PNPLA2: variants seen among roughly 807,000 people sequenced by gnomAD.
The protein encoded by PNPLA2 is patatin-like phospholipase domain-containing protein 2.
In PNPLA2, 28 loss-of-function variants were observed where a neutral mutation model predicts 39.7. The observed-to-expected ratio is 0.70, with a 90% CI of 0.52 to 0.97. The LOEUF is 0.97. Among genes scored for constraint, PNPLA2 ranks in the 50% least tolerant of loss-of-function variants. The probability of loss-of-function intolerance (pLI) is 0.00; values close to 1 mark genes in which losing one functional copy is unlikely to be tolerated. For synonymous variants in PNPLA2, 392 were observed against 321.1 expected (o/e 1.22, Z -2.36); for missense variants, 768 against 698.2 (o/e 1.10, Z -1.13).
intron 6 of PNPLA2, 40 bp from the exon 7 acceptor site, chr11:823,654 G>A (rs776979629): frequency 5.0e-6 from 8 of 1,601,268 alleles, no homozygotes; most frequent in East Asian, 2.3e-5. Flanking sequence ...GGCCGCGGCC[G>A]CGCTGATGAA....
In PNPLA2 at chr11:823,724, C is replaced by T. The variant is rs1325907895; in HGVS notation, c.788C>T (p.Ala263Val). The change falls in exon 7 of 10, where the codon GCG becomes GTG. Residue 263 changes from alanine to valine, a missense_variant. Physicochemically the swap from Ala to Val is moderately conservative, Grantham distance 64. Transcript: ENST00000336615. The stretch of plus-strand genomic sequence containing the variant: ...CTGAACCGGCCCAACCCCTTGCTGG[C>T]GTTGCCCCCCGCCCGCCCCCACGGC... ...GLLNRPNPLL[A>V]LPPARPHGPE... 2 of 1,607,118 alleles carry T rather than the reference C, an allele frequency of 1.2e-6. No homozygotes were observed. The highest frequency in any genetic ancestry group is 8.5e-7 in the Non-Finnish European group (1 of 1,177,340).
chr11:823,498 T>A, intron 5 of PNPLA2, 29 bp from the exon 6 acceptor site: 1 of 1,590,016 alleles, frequency 6.3e-7, no homozygotes, highest in Non-Finnish European at 8.6e-7. Context: ...CCTGGCTCCC[T>A]CCGCTCCATT....
In PNPLA2 at chr11:823,727, TGCCCCCCGCCC is replaced by T; in HGVS notation, c.798_808del (p.Ala267ArgfsTer36). 6.2e-7 allele frequency: 1 copy of T among 1,607,210 alleles called. No individual in the cohort carries two copies. The highest frequency in any genetic ancestry group is 8.5e-7 in the Non-Finnish European group (1 of 1,177,230). ...AACCGGCCCAACCCCTTGCTGGCGT[TGCCCCCCGCCC>T]GCCCCCACGGCCCAGAGGACAAGGA... On this transcript the variant is annotated frameshift_variant, in exon 7 of 10. Transcript: ENST00000336615. LOFTEE classifies it high-confidence loss of function.
At position 824,320 on chromosome 11, in the gene PNPLA2, G is replaced by A. The variant is rs952977483; in HGVS notation, c.1059G>A (p.Leu353=). Residue 353 remains leucine, a synonymous_variant, in exon 9 of 10, where the codon CTG becomes CTA. Coordinates refer to ENST00000336615, the MANE Select transcript of PNPLA2 (RefSeq NM_020376.4). ...CCGCTCGCCCTGTCCCCAGCTTGCT[G>A]GAGTGGCTGCCCGACGTTCCCGAGG... ...ESALSFTIRL[L]EWLPDVPEDI... The A allele has an allele frequency of 1.3e-6, 2 of 1,551,366 alleles. No homozygotes were observed. The highest frequency in any genetic ancestry group is 1.7e-6 in the Non-Finnish European group (2 of 1,147,736).
chr11:820,155 G>A (rs1360793882), intron 2 of PNPLA2, among the ~76,000 whole-genome samples: 1 of 152,248 alleles, frequency 6.6e-6, no homozygotes, highest in Non-Finnish European at 1.5e-5. Context: ...GCGGGCAGGT[G>A]CAGCAAAAGC....
In PNPLA2 at chr11:824,943, A is replaced by C; in HGVS notation, c.*81A>C. 2 of 1,214,982 alleles carry C rather than the reference A, an allele frequency of 1.6e-6. No homozygotes were observed. Among genetic ancestry groups the C allele is most frequent in the Non-Finnish European group, 2.3e-6 (2 of 854,734 alleles). The allele number at this position is 1,214,982 out of a possible 1,614,324, so 75.3% of individuals were successfully genotyped here. ...TGAGATGAGGGGACTCACAGTTGCC[A>C]AGAGGGGTCTTTGCCGTGGGCCCCC... On this transcript the variant is annotated 3_prime_UTR_variant, in exon 10 of 10. Coordinates refer to ENST00000336615, the MANE Select transcript of PNPLA2 (RefSeq NM_020376.4).
At chr11:822,828 T>C (rs1178898339) in intron 5 of PNPLA2, among the ~76,000 whole-genome samples, 1 of 150,980 alleles carries the variant, frequency 6.6e-6, no homozygotes, top group Non-Finnish European at 1.5e-5. Flanking sequence ...CTCTTTTTTT[T>C]TTTTTTTTTT....
At chr11:823,917 G>A (rs1435107894) in intron 7 of PNPLA2, 62 bp downstream of exon 7, 1 of 1,548,564 alleles carries the variant, frequency 6.5e-7, no homozygotes, top group Non-Finnish European at 8.7e-7. Flanking sequence ...GAGAGGAGAG[G>A]ACGGTGAGCA....
chr11:819,349 A>T, intron 1 of PNPLA2: 1 of 940,182 alleles, frequency 1.1e-6, no homozygotes, highest in Non-Finnish European at 1.3e-6. Flanking sequence ...CTACACCCCT[A>T]GGCGTGTGCC....
chr11:823,006 G>T (rs1260285816), intron 5 of PNPLA2, among the ~76,000 whole-genome samples: 1 of 151,014 alleles, frequency 6.6e-6, no homozygotes, highest in Admixed American at 6.6e-5. Flanking sequence ...TGTATTTTTA[G>T]TAAAGAAATA....
At position 824,406 on chromosome 11, in the gene PNPLA2, A is replaced by G. The variant is rs576535942; in HGVS notation, c.1145A>G (p.Lys382Arg). ...TGCCAGTACCTGGTGATGCGCGCCAAGAGGAAGCTGGGCAGGCACCTGCCC... is the reference window on the plus strand; with the variant it reads ...TGCCAGTACCTGGTGATGCGCGCCAGGAGGAAGCTGGGCAGGCACCTGCCC... Reference protein sequence around the residue: ...SICQYLVMRAKRKLGRHLPSR... With the variant: ...SICQYLVMRARRKLGRHLPSR... The change falls in exon 9 of 10, where the codon AAG becomes AGG. Residue 382 changes from lysine to arginine, a missense_variant. Transcript: ENST00000336615. 1.4e-5 allele frequency: 22 copies of G among 1,554,860 alleles called. No homozygotes were observed. In the South Asian group the frequency reaches 2.4e-4, roughly 17 times the overall value.
intron 2 of PNPLA2, chr11:821,241 G>A (rs1248946875): frequency 6.1e-6 from 2 of 328,916 alleles, no homozygotes; most frequent in Non-Finnish European, 1.2e-5. Context: ...TGTGAACTGT[G>A]ACCTGTGTGC....
Position 823,859 on chromosome 11 carries a change from C to CGCACCTGG in PNPLA2, c.919+6_919+13dup. 1 of 1,580,898 alleles carries CGCACCTGG rather than the reference C, an allele frequency of 6.3e-7. No homozygotes were observed. The highest frequency in any genetic ancestry group is 8.6e-7 in the Non-Finnish European group (1 of 1,164,838). On this transcript the variant is annotated splice_donor_region_variant and intron_variant, in intron 7 of 9. Coordinates refer to ENST00000336615, the MANE Select transcript of PNPLA2 (RefSeq NM_020376.4). ...CTGCCCGCCCGGCTCAATGAGGGTG[C>CGCACCTGG]GCACCTGGGGGACGGGAGGGGAGGA...
chr11:819,192 G>T (rs1845583916), intron 1 of PNPLA2, among the ~76,000 whole-genome samples: 1 of 152,252 alleles, frequency 6.6e-6, no homozygotes, highest in Non-Finnish European at 1.5e-5. Context: ...TCTGTCCAGG[G>T]ACCAGCTCCT....
Position 823,956 on chromosome 11 carries a change from C to T in PNPLA2, c.920-42C>T, listed in dbSNP as rs779060112. On this transcript the variant is annotated intron_variant, in intron 7 of 9. Transcript: ENST00000336615. The stretch of plus-strand genomic sequence containing the variant: ...GAGGGAAGCCGAGCGGGTCCTGGGC[C>T]CCGCTGCCTCCACTGGCCGCCGACC... 7.1e-6 allele frequency: 11 copies of T among 1,559,706 alleles called. No individual in the cohort carries two copies. In the East Asian group the frequency reaches 2.4e-4, roughly 34 times the overall value.
rs528775861 is a variant in PNPLA2 at position 822,280 on chromosome 11, G to A, written c.487-117G>A. ...ACAGCCAGTGCCCAGTGGGTAAAACGCTCAAATGAGGTAGCCACTGAATGG... is the reference window on the plus strand; with the variant it reads ...ACAGCCAGTGCCCAGTGGGTAAAACACTCAAATGAGGTAGCCACTGAATGG... On this transcript the variant is annotated intron_variant, in intron 4 of 9. Coordinates refer to ENST00000336615, the MANE Select transcript of PNPLA2 (RefSeq NM_020376.4). 9.4e-5 allele frequency: 91 copies of A among 971,250 alleles called. No homozygotes were observed. In the South Asian group the frequency reaches 1.0e-3, roughly 11 times the overall value. The allele number at this position is 971,250 out of a possible 1,614,324, so 60.2% of individuals were successfully genotyped here.
chr11:819,863 G>A lies in PNPLA2; in HGVS notation c.145G>A (p.Gly49Arg). Residue 49 changes from glycine to arginine, a missense_variant, in exon 2 of 10, where the codon GGG becomes AGG. Coordinates refer to ENST00000336615, the MANE Select transcript of PNPLA2 (RefSeq NM_020376.4). ...CACGCACATCTACGGCGCCTCGGCC[G>A]GGGCGCTCACGGCCACGGCGCTGGT... ...NATHIYGASA[G>R]ALTATALVTG... 1 of 1,461,296 alleles carries A rather than the reference G, an allele frequency of 6.8e-7. No individual in the cohort carries two copies. Among genetic ancestry groups the A allele is most frequent in the South Asian group, 1.3e-5 (1 of 76,774 alleles). 90.5% of individuals were successfully genotyped at this position (1,461,296 alleles called of 1,614,324 possible).
intron 7 of PNPLA2, 46 bp from the exon 8 acceptor site, chr11:823,952 G>A (rs935633964): frequency 3.2e-6 from 5 of 1,555,912 alleles, no homozygotes; most frequent in African/African-American, 1.4e-5. Flanking sequence ...AGCGGGTCCT[G>A]GGCCCCGCTG....
rs145699347 is a variant in PNPLA2, at chr11:822,526, C to T, written c.616C>T (p.Arg206Trp). 1.7e-5 allele frequency: 28 copies of T among 1,613,930 alleles called. No individual in the cohort carries two copies. The highest frequency in any genetic ancestry group is 2.1e-5 in the Non-Finnish European group (25 of 1,180,006). ...QDSSTNIHEL[R>W]VTNTSIQFNL... Reference sequence around the variant, plus strand: ...CAGCTCCACCAACATCCACGAGCTGCGGGTCACCAACACCAGCATCCAGTT... The same window carrying T: ...CAGCTCCACCAACATCCACGAGCTGTGGGTCACCAACACCAGCATCCAGTT... Residue 206 changes from arginine to tryptophan, a missense_variant, in exon 5 of 10, where the codon CGG (arginine) becomes TGG (tryptophan). Transcript: ENST00000336615.
Sources: gnomAD v4.1 joint callset for allele counts (sites outside exome capture counted in the v4.1 genomes callset) on GRCh38, gnomAD v4.1.1 for gene constraint, MANE v1.5 for transcripts, NCBI Gene and HGNC (gene_info 2026-07-23, HGNC 2026-07-21) for gene names.